The following TGM7 variants were observed in gnomAD, a reference collection of about 807,000 sequenced individuals.
TGM7 encodes the protein protein-glutamine gamma-glutamyltransferase Z.
In TGM7, 74 loss-of-function variants were observed where a neutral mutation model predicts 79.5. The observed-to-expected ratio is 0.93, with a 90% confidence interval of 0.77 to 1.13. TGM7 has a LOEUF of 1.13. TGM7 is among the 50% of genes most tolerant of loss of function. The pLI is 0.00. For missense variants in TGM7, 912 were observed against 905.9 expected, an observed-to-expected ratio of 1.01 and a Z score of -0.09; for synonymous variants, 354 against 362.5, an observed-to-expected ratio of 0.98 and a Z score of 0.27.
chr15:43,281,504 CTTATATA>C (rs1400041072), intron 9 of TGM7, among the ~76,000 whole-genome samples: 1 of 152,150 alleles, frequency 6.6e-6, no homozygotes, highest in African/African-American at 2.4e-5. Flanking sequence ...TTGGAACATA[CTTATATA>C]TTAAAAATCA....
Position 43,279,101 on chromosome 15 carries a change from C to T in TGM7, c.1839+16G>A, listed in dbSNP as rs777647469. 1 of 1,605,526 alleles carries T rather than the reference C, an allele frequency of 6.2e-7. No individual in the cohort carries two copies. Among genetic ancestry groups the T allele is most frequent in the African/African-American group, 1.3e-5 (1 of 74,802 alleles). ...GTCAGAGAGCCTCAGAGCCCCCACC[C>T]ATGTCCAGACACTACCTCAATAGAC... On this transcript the variant is annotated intron_variant, in intron 11 of 12. Transcript: ENST00000452443.
intron 7 of TGM7, among the ~76,000 whole-genome samples, chr15:43,283,611 C>T (rs866968477): frequency 1.6e-4 from 24 of 152,098 alleles, no homozygotes; most frequent in African/African-American, 5.8e-4. Flanking sequence ...CAGAGTGGCC[C>T]CCATTTTGGG....
chr15:43,293,713 G>T (rs1251190745), intron 1 of TGM7, 82 bp from the exon 2 acceptor site: 1 of 1,124,342 alleles, frequency 8.9e-7, no homozygotes, highest in Non-Finnish European at 1.1e-6. Flanking sequence ...AGTCATTTCT[G>T]GGAGGTGCGG....
At chr15:43,289,698 G>T (rs186948684) in intron 4 of TGM7, among the ~76,000 whole-genome samples, 14 of 152,172 alleles carry the variant, frequency 9.2e-5, no homozygotes, top group South Asian at 4.2e-4. Flanking sequence ...AAAGTGTTCC[G>T]ATTTCTCCAC....
intron 6 of TGM7, 88 bp from the exon 7 acceptor site, chr15:43,285,040 G>T: frequency 6.6e-7 from 1 of 1,525,810 alleles, no homozygotes; most frequent in Non-Finnish European, 9.0e-7. Flanking sequence ...TCAAGCTGGA[G>T]GAGAGAAAGC....
In TGM7 at chr15:43,293,500, T is replaced by C; in HGVS notation, c.142A>G (p.Ser48Gly). 1.2e-6 allele frequency: 2 copies of C among 1,611,476 alleles called. No homozygotes were observed. Among genetic ancestry groups the C allele is most frequent in the Non-Finnish European group, 1.7e-6 (2 of 1,179,388 alleles). ...GQPFYLRLSF[S>G]RPFQSQNDHI... ...TCGTTCTGGGACTGGAAGGGTCGGC[T>C]GAAGCTCAGCCGGAGGTAGAAGGGC... The change falls in exon 2 of 13, where the codon AGC (serine) becomes GGC (glycine). Residue 48 changes from serine to glycine, a missense_variant. Ser to Gly is a moderately conservative substitution (Grantham distance 56, BLOSUM62 0). Transcript: ENST00000452443.
At chr15:43,288,059 A>G (rs968875868) in intron 4 of TGM7, among the ~76,000 whole-genome samples, 1 of 152,096 alleles carries the variant, frequency 6.6e-6, no homozygotes, top group Admixed American at 6.6e-5. Flanking sequence ...TTAGACTCCT[A>G]TCTGGAGGAC....
chr15:43,285,674 A>G (rs1293593215), intron 6 of TGM7, among the ~76,000 whole-genome samples: 1 of 152,212 alleles, frequency 6.6e-6, no homozygotes, highest in Non-Finnish European at 1.5e-5. Flanking sequence ...TTCTAGAGAC[A>G]GTGGAAACCG....
At chr15:43,287,776 G>C in intron 4 of TGM7, 107 bp from the exon 5 acceptor site, 1 of 1,340,450 alleles carries the variant, frequency 7.5e-7, no homozygotes, top group South Asian at 1.5e-5. Context: ...TGGGGATGTG[G>C]GGGCAGGGGG....
At chr15:43,277,471 C>A (rs7168979) in intron 11 of TGM7, among the ~76,000 whole-genome samples, 3,326 of 152,310 alleles carry the variant, frequency 0.022, 138 homozygotes, top group African/African-American at 0.077. Context: ...AACAGTGAGG[C>A]CAAGGCTGCA....
intron 11 of TGM7, among the ~76,000 whole-genome samples, chr15:43,277,768 G>A (rs985036341): frequency 7.2e-5 from 11 of 152,194 alleles, no homozygotes; most frequent in Non-Finnish European, 1.5e-4. Context: ...CACCCAGATC[G>A]TACTAGGGGC....
Position 43,279,371 on chromosome 15 carries a change from G to C in TGM7, c.1679-94C>G, listed in dbSNP as rs1042729656. ...AGAGAGGAAAAATTAGAATTTTCACGTGAGAGGTAAAAGTGTGTGTGAGAG... is the reference window on the plus strand; with the variant it reads ...AGAGAGGAAAAATTAGAATTTTCACCTGAGAGGTAAAAGTGTGTGTGAGAG... On this transcript the variant is annotated intron_variant, in intron 10 of 12. Transcript: ENST00000452443. 7 of 1,396,312 alleles carry C rather than the reference G, an allele frequency of 5.0e-6. No homozygotes were observed. In the Admixed American group the frequency reaches 1.5e-4, roughly 29 times the overall value. The allele number at this position is 1,396,312 out of a possible 1,614,324, so 86.5% of individuals were successfully genotyped here.
intron 3 of TGM7, 67 bp downstream of exon 3, chr15:43,292,642 T>C: frequency 1.5e-5 from 24 of 1,578,382 alleles, no homozygotes; most frequent in Non-Finnish European, 2.0e-5. Flanking sequence ...CTGGGCTTTT[T>C]CCAAAGAACC....
rs777479722 is a variant in TGM7, at chr15:43,279,734, C to A, written c.1569G>T (p.Gly523=). 1.2e-6 allele frequency: 2 copies of A among 1,613,986 alleles called. No homozygotes were observed. The highest frequency in any genetic ancestry group is 1.1e-5 in the South Asian group (1 of 91,090). ...QRVPDSTHPR[G]PIGLVVRFCA... is the part of the protein sequence containing the mutation. ...AGAAGCGCACCACCAGTCCGATGGG[C>A]CCCCGAGGGTGGGTGCTGTCTGGCA... The change falls in exon 10 of 13, where the codon GGG becomes GGT. Residue 523 remains glycine (G), a synonymous_variant. Transcript: ENST00000452443.
At chr15:43,292,144 A>T (rs760678936) in intron 3 of TGM7, 47 bp from the exon 4 acceptor site, 2 of 1,322,824 alleles carry the variant, frequency 1.5e-6, no homozygotes, top group Non-Finnish European at 2.2e-6. Context: ...AAACCAAAAA[A>T]ACAGAGTATT....
At chr15:43,300,786 T>C (rs1304464861) in intron 1 of TGM7, among the ~76,000 whole-genome samples, 2 of 152,078 alleles carry the variant, frequency 1.3e-5, no homozygotes, top group African/African-American at 2.4e-5. Context: ...GCCTGGGCAA[T>C]AGAGCAAGAC....
At chr15:43,292,636 G>A in intron 3 of TGM7, 73 bp downstream of exon 3, 6 of 1,568,698 alleles carry the variant, frequency 3.8e-6, no homozygotes, top group Non-Finnish European at 5.2e-6. Flanking sequence ...TATTTTCTGG[G>A]CTTTTTCCAA....
At chr15:43,293,335 G>T in intron 2 of TGM7, 114 bp downstream of exon 2, 1 of 1,357,122 alleles carries the variant, frequency 7.4e-7, no homozygotes, top group Non-Finnish European at 1.0e-6. Context: ...GGGGCTCCCA[G>T]GACAAGAAAG....
intron 1 of TGM7, 85 bp from the exon 2 acceptor site, chr15:43,293,716 A>T: frequency 1.3e-6 from 1 of 774,276 alleles, no homozygotes; most frequent in Non-Finnish European, 1.6e-6. Flanking sequence ...CATTTCTGGG[A>T]GGTGCGGCGG....
Sources: allele counts gnomAD v4.1 joint callset (sites outside exome capture counted in the v4.1 genomes callset), GRCh38; gene constraint gnomAD v4.1.1; transcripts MANE v1.5; gene names NCBI Gene and HGNC (gene_info 2026-07-23, HGNC 2026-07-21).